PLS1: variants seen among roughly 807,000 people sequenced by gnomAD.
The protein encoded by PLS1 is plastin-1.
A neutral mutation model predicts 73.7 loss-of-function variants in PLS1; 32 were observed. That is an observed-to-expected ratio of 0.43 (90% confidence interval 0.33 to 0.58). PLS1 has a LOEUF of 0.58. PLS1 is among the 20% of genes least tolerant of loss of function. The pLI is 0.04. For missense variants in PLS1, 633 were observed against 740.5 expected, an observed-to-expected ratio of 0.85 and a Z score of 1.68; for synonymous variants, 217 against 261.3, an observed-to-expected ratio of 0.83 and a Z score of 1.63.
intron 1 of PLS1, among the ~76,000 whole-genome samples, chr3:142,650,466 T>C (rs1020709216): frequency 2.0e-5 from 3 of 152,138 alleles, no homozygotes; most frequent in African/African-American, 7.2e-5. Context: ...CTCTGACCTC[T>C]ACTTCCTCTC....
chr3:142,649,444 A>T (rs2037035047), intron 1 of PLS1, among the ~76,000 whole-genome samples: 1 of 151,482 alleles, frequency 6.6e-6, no homozygotes, highest in Admixed American at 6.6e-5. Context: ...GAGACCAGCC[A>T]TGACCAACAT....
intron 1 of PLS1, among the ~76,000 whole-genome samples, chr3:142,624,922 C>T (rs907177263): frequency 2.0e-5 from 3 of 147,950 alleles, no homozygotes; most frequent in African/African-American, 7.8e-5. Flanking sequence ...ACCAATTGCT[C>T]AATTGTATTC....
Position 142,710,532 on chromosome 3 carries a change from A to T in PLS1, c.1630-969A>T, listed in dbSNP as rs533325250. 3.3e-5 allele frequency among the ~76,000 whole-genome samples: 5 copies of T among 152,314 alleles called. No individual in the cohort carries two copies. In the South Asian group the frequency reaches 1.0e-3, roughly 32 times the overall value. Reference sequence around the variant, plus strand: ...GTATGCTTTATACATAAACAAGGTTATCACCCTACCCCTATTGAGAATGCT... The same window carrying T: ...GTATGCTTTATACATAAACAAGGTTTTCACCCTACCCCTATTGAGAATGCT... On this transcript the variant is annotated intron_variant, in intron 14 of 15. Transcript: ENST00000457734.
intron 1 of PLS1, among the ~76,000 whole-genome samples, chr3:142,614,312 TTAAC>T (rs2036175536): frequency 6.6e-6 from 1 of 152,214 alleles, no homozygotes; most frequent in Non-Finnish European, 1.5e-5. Context: ...GAGCTTACAC[TTAAC>T]TACCAAGGAT....
chr3:142,684,148 A>T lies in PLS1; in HGVS notation c.722A>T (p.Asp241Val). The change falls in exon 7 of 16, where the codon GAT becomes GTT. Residue 241 changes from aspartate to valine, a missense_variant. Physicochemically the swap from Asp to Val is radical, Grantham distance 152. Coordinates refer to ENST00000457734, the MANE Select transcript of PLS1 (RefSeq NM_001145319.2). ...ATCATCAAAGTTGGCCTTTTTGCTG[A>T]TATTGAGATTTCCAGGAATGAAGGT... ...WQIIKVGLFA[D>V]IEISRNEALI... 5.0e-6 allele frequency: 8 copies of T among 1,613,978 alleles called. No individual in the cohort carries two copies. Among genetic ancestry groups the T allele is most frequent in the Non-Finnish European group, 6.8e-6 (8 of 1,179,964 alleles).
intron 13 of PLS1, 148 bp from the exon 14 acceptor site, chr3:142,704,315 A>G (rs962419465): frequency 6.7e-5 from 44 of 657,166 alleles, no homozygotes; most frequent in African/African-American, 3.8e-5. Context: ...TAACTTTGGA[A>G]TGTAACTGGG....
chr3:142,685,535 A>G (rs907145418), intron 8 of PLS1, among the ~76,000 whole-genome samples: 1 of 152,192 alleles, frequency 6.6e-6, no homozygotes, highest in Non-Finnish European at 1.5e-5. Flanking sequence ...GAAAGTACAC[A>G]AAGGCCTCAG....
At chr3:142,626,952 G>A (rs781080570) in intron 1 of PLS1, among the ~76,000 whole-genome samples, 3 of 152,158 alleles carry the variant, frequency 2.0e-5, no homozygotes, top group Non-Finnish European at 4.4e-5. Context: ...TTTGTAGAAC[G>A]TCTACTCCTC....
rs143130084 is a variant in PLS1, at chr3:142,666,216, T to C, written c.70+1909T>C. ...TTACCATTTTAACCATTTTTAAGTG[T>C]ATAGTTCATTAGCATTTAGTACATT... On this transcript the variant is annotated intron_variant, in intron 2 of 15. Coordinates refer to ENST00000457734, the MANE Select transcript of PLS1 (RefSeq NM_001145319.2). 3.2e-3 allele frequency among the ~76,000 whole-genome samples: 486 copies of C among 152,258 alleles called. 2 individuals are homozygous for C. Among genetic ancestry groups the C allele is most frequent in the African/African-American group, 9.9e-3 (411 of 41,548 alleles).
At chr3:142,629,452 C>G (rs796227444) in intron 1 of PLS1, among the ~76,000 whole-genome samples, 1 of 152,190 alleles carries the variant, frequency 6.6e-6, no homozygotes, top group Non-Finnish European at 1.5e-5. Context: ...CCACCCGCCT[C>G]GGCCTCCCAA....
intron 1 of PLS1, among the ~76,000 whole-genome samples, chr3:142,634,365 A>G (rs1442077834): frequency 6.6e-6 from 1 of 152,214 alleles, no homozygotes; most frequent in Non-Finnish European, 1.5e-5. Flanking sequence ...AACTACATCA[A>G]AGCATAATTG....
intron 1 of PLS1, among the ~76,000 whole-genome samples, chr3:142,637,057 A>G (rs1234021093): frequency 2.0e-5 from 3 of 152,220 alleles, no homozygotes; most frequent in Non-Finnish European, 2.9e-5. Context: ...CCATTCTACT[A>G]TAGGCATTTA....
intron 1 of PLS1, among the ~76,000 whole-genome samples, chr3:142,630,433 AAAAAAAAC>A (rs1414018858): frequency 2.0e-5 from 3 of 150,828 alleles, no homozygotes; most frequent in East Asian, 2.0e-4. Context: ...AAAAAAAAAA[AAAAAAAAC>A]AAACAAAACA....
intron 4 of PLS1, among the ~76,000 whole-genome samples, chr3:142,672,490 C>T (rs1022947191): frequency 6.6e-6 from 1 of 151,628 alleles, no homozygotes; most frequent in Admixed American, 6.6e-5. Context: ...CTACAGGTGC[C>T]CGCCAACACG....
chr3:142,616,602 A>G (rs905712166), intron 1 of PLS1, among the ~76,000 whole-genome samples: 1 of 150,794 alleles, frequency 6.6e-6, no homozygotes, highest in African/African-American at 2.4e-5. Context: ...TAGTGACACA[A>G]TTATTATTAT....
chr3:142,644,950 T>A (rs1048931550), intron 1 of PLS1, among the ~76,000 whole-genome samples: 1 of 152,208 alleles, frequency 6.6e-6, no homozygotes, highest in Non-Finnish European at 1.5e-5. Context: ...CTGGCAAATA[T>A]CTGGTTTCCC....
chr3:142,598,302 G>A (rs150671181), intron 1 of PLS1, among the ~76,000 whole-genome samples: 150 of 152,296 alleles, frequency 9.8e-4, no homozygotes, highest in Admixed American at 1.3e-3. Context: ...TAAGCACAAA[G>A]TATATTCTTA....
chr3:142,674,637 A>G (rs1431516166), intron 4 of PLS1, among the ~76,000 whole-genome samples: 4 of 152,190 alleles, frequency 2.6e-5, no homozygotes, highest in Non-Finnish European at 5.9e-5. Context: ...CTTAAGATCA[A>G]TGTACCCATA....
At chr3:142,669,759 A>G (rs1352926076) in intron 3 of PLS1, among the ~76,000 whole-genome samples, 1 of 152,236 alleles carries the variant, frequency 6.6e-6, no homozygotes, top group African/African-American at 2.4e-5. Flanking sequence ...TTATTCTCAA[A>G]TTGTTGGAAT....
Sources: allele counts gnomAD v4.1 joint callset (sites outside exome capture counted in the v4.1 genomes callset), GRCh38; gene constraint gnomAD v4.1.1; transcripts MANE v1.5; gene names NCBI Gene and HGNC (gene_info 2026-07-23, HGNC 2026-07-21).